Variants in CNTN5 observed in about 807,000 individuals in gnomAD.
The protein encoded by CNTN5 is contactin-5.
CNTN5 carries 77 observed loss-of-function variants against 129.1 expected under a neutral mutation model. The observed-to-expected ratio is 0.60, with a 90% CI of 0.50 to 0.72. The LOEUF (loss-of-function observed/expected upper bound fraction) is 0.72, where lower values mean the gene tolerates loss of function less well. CNTN5 is among the 30% of genes least tolerant of loss of function. CNTN5 has a pLI of 0.00. For synonymous variants in CNTN5, 509 were observed against 465.6 expected, an observed-to-expected ratio of 1.09 and a Z score of -1.20; for missense variants, 1,478 against 1,328.8, an observed-to-expected ratio of 1.11 and a Z score of -1.75.
intron 8 of CNTN5, among the ~76,000 whole-genome samples, chr11:99,962,870 T>C (rs553053748): frequency 6.6e-6 from 1 of 150,696 alleles, no homozygotes; most frequent in Admixed American, 6.6e-5. Context: ...TGAGATGATA[T>C]CTCATTGTGG....
chr11:99,683,516 T>A (rs1007285348), intron 3 of CNTN5, among the ~76,000 whole-genome samples: 1 of 151,934 alleles, frequency 6.6e-6, no homozygotes, highest in African/African-American at 2.4e-5. Context: ...TGTGCCAATA[T>A]CATACTGCCT....
chr11:99,079,071 A>C (rs533955506), intron 1 of CNTN5, among the ~76,000 whole-genome samples: 1 of 152,218 alleles, frequency 6.6e-6, no homozygotes, highest in East Asian at 1.9e-4. Flanking sequence ...AAATATATAT[A>C]CCCATCTACC....
Position 99,789,354 on chromosome 11 carries a change from C to G in CNTN5, c.56-30190C>G, listed in dbSNP as rs192439562. On this transcript the variant is annotated intron_variant, in intron 3 of 24. Transcript: ENST00000524871. Reference sequence around the variant, plus strand: ...ATTAAGTAACTTCTCTAATGTAAGACAGATAATGAACAACAGAACTGGGGT... The same window carrying G: ...ATTAAGTAACTTCTCTAATGTAAGAGAGATAATGAACAACAGAACTGGGGT... 6.2e-3 allele frequency among the ~76,000 whole-genome samples: 940 copies of G among 151,886 alleles called. 1 individual carries two copies. The highest frequency in any genetic ancestry group is 9.8e-3 in the Non-Finnish European group (663 of 67,808).
chr11:99,689,882 T>G (rs1953968233), intron 3 of CNTN5, among the ~76,000 whole-genome samples: 3 of 152,164 alleles, frequency 2.0e-5, no homozygotes, highest in African/African-American at 7.2e-5. Flanking sequence ...GTAGGTTGTT[T>G]GATCACTGTG....
intron 18 of CNTN5, among the ~76,000 whole-genome samples, chr11:100,294,782 T>G (rs1356351656): frequency 1.3e-5 from 2 of 151,614 alleles, no homozygotes; most frequent in Non-Finnish European, 3.0e-5. Context: ...CTCCGAAAGA[T>G]TAAGTCAAAT....
intron 20 of CNTN5, among the ~76,000 whole-genome samples, chr11:100,307,882 A>G (rs1951388483): frequency 6.6e-6 from 1 of 151,726 alleles, no homozygotes; most frequent in Non-Finnish European, 1.5e-5. Context: ...CTTTAAATCT[A>G]TGAGATAAAT....
At chr11:99,900,643 C>T (rs1327288099) in intron 6 of CNTN5, among the ~76,000 whole-genome samples, 1 of 151,826 alleles carries the variant, frequency 6.6e-6, no homozygotes, top group Non-Finnish European at 1.5e-5. Context: ...TTACTTTGAA[C>T]CTATGGATGT....
At chr11:100,275,810 C>T (rs1950498041) in intron 18 of CNTN5, among the ~76,000 whole-genome samples, 1 of 152,162 alleles carries the variant, frequency 6.6e-6, no homozygotes, top group African/African-American at 2.4e-5. Flanking sequence ...GTTTGTATTG[C>T]ATCCTTTATG....
intron 1 of CNTN5, among the ~76,000 whole-genome samples, chr11:99,075,691 A>G (rs766626013): frequency 3.3e-5 from 5 of 152,148 alleles, no homozygotes; most frequent in African/African-American, 1.2e-4. Context: ...GACAACTCTT[A>G]AGGGAATTGT....
chr11:99,281,212 G>A (rs1863680618), intron 1 of CNTN5, among the ~76,000 whole-genome samples: 4 of 151,892 alleles, frequency 2.6e-5, no homozygotes, highest in Admixed American at 1.3e-4. Flanking sequence ...AATGATCAGA[G>A]TTTTTATTTA....
intron 2 of CNTN5, among the ~76,000 whole-genome samples, chr11:99,410,167 G>C (rs980757222): frequency 6.6e-6 from 1 of 152,064 alleles, no homozygotes; most frequent in Non-Finnish European, 1.5e-5. Flanking sequence ...TGAATTATAG[G>C]AAAAAGAAAT....
intron 13 of CNTN5, among the ~76,000 whole-genome samples, chr11:100,161,872 CAAAACAA>C (rs375181774): frequency 2.4e-5 from 3 of 127,620 alleles, no homozygotes; most frequent in Non-Finnish European, 5.1e-5. Context: ...CACACACACA[CAAAACAA>C]AAAACAAAAA....
intron 1 of CNTN5, among the ~76,000 whole-genome samples, chr11:99,312,724 T>C (rs550346548): frequency 3.3e-5 from 5 of 152,178 alleles, no homozygotes; most frequent in Admixed American, 1.3e-4. Flanking sequence ...TTTTAGTAAG[T>C]ATTCAATAAA....
intron 1 of CNTN5, among the ~76,000 whole-genome samples, chr11:99,162,075 C>G (rs1860636849): frequency 6.6e-6 from 1 of 152,092 alleles, no homozygotes; most frequent in South Asian, 2.1e-4. Flanking sequence ...CTAGACTACC[C>G]TGGTTAATAG....
rs369883131 is a variant in CNTN5, at chr11:99,425,347, C to T, written c.-71+99863C>T. 6.4e-4 allele frequency among the ~76,000 whole-genome samples: 98 copies of T among 152,330 alleles called. 2 individuals are homozygous for T. Among genetic ancestry groups the T allele is most frequent in the African/African-American group, 2.0e-3 (83 of 41,576 alleles). On this transcript the variant is annotated intron_variant, in intron 2 of 24. Coordinates refer to ENST00000524871, the MANE Select transcript of CNTN5 (RefSeq NM_014361.4). The stretch of plus-strand genomic sequence containing the variant: ...AGGTAGGGTTTCACTGAGGACCCTC[C>T]GCTTTCCTTCCAGGAACCTGTCTGT...
chr11:99,749,284 A>G (rs1944158002), intron 3 of CNTN5, among the ~76,000 whole-genome samples: 1 of 152,206 alleles, frequency 6.6e-6, no homozygotes, highest in African/African-American at 2.4e-5. Flanking sequence ...AAAAAAAGAA[A>G]AAAGAATGGG....
chr11:99,738,615 A>AAGTGTGTGTGTGTGTG (rs201365714), intron 3 of CNTN5, among the ~76,000 whole-genome samples: 65 of 113,640 alleles, frequency 5.7e-4, no homozygotes, highest in African/African-American at 2.0e-3. Context: ...TAAGACAGTA[A>AAGTGTGTGTGTGTGTG]CGTGTGTGTG....
At chr11:99,787,435 A>C (rs1361118062) in intron 3 of CNTN5, among the ~76,000 whole-genome samples, 1 of 151,712 alleles carries the variant, frequency 6.6e-6, no homozygotes, top group African/African-American at 2.4e-5. Flanking sequence ...GTATAATATT[A>C]AACTTATATT....
intron 18 of CNTN5, among the ~76,000 whole-genome samples, chr11:100,292,659 G>A (rs1240619521): frequency 6.6e-6 from 1 of 151,908 alleles, no homozygotes; most frequent in Non-Finnish European, 1.5e-5. Context: ...GACAGCTGGG[G>A]TTGGAGGGAG....
Sources: allele counts gnomAD v4.1 joint callset (sites outside exome capture counted in the v4.1 genomes callset), GRCh38; gene constraint gnomAD v4.1.1; transcripts MANE v1.5; gene names NCBI Gene and HGNC (gene_info 2026-07-23, HGNC 2026-07-21).